Variants in SOCS7 observed in about 807,000 individuals in gnomAD.
SOCS7 encodes NAP-4.
In SOCS7, 18 loss-of-function variants were observed where a neutral mutation model predicts 58.9. The observed-to-expected ratio is 0.31, with a 90% CI of 0.21 to 0.45. The LOEUF (loss-of-function observed/expected upper bound fraction) is 0.45. Among genes scored for constraint, SOCS7 ranks in the 20% least tolerant of loss-of-function variants. The pLI, the probability that SOCS7 is intolerant of heterozygous loss-of-function variation, is 1.00. For synonymous variants in SOCS7, 388 were observed against 364.3 expected (o/e 1.06, Z -0.74); for missense variants, 667 against 837.3 (o/e 0.80, Z 2.51).
In SOCS7 at chr17:38,352,935, G is replaced by C. The variant is rs749377899; in HGVS notation, c.883G>C (p.Asp295His). 14 of 1,607,908 alleles carry C rather than the reference G, an allele frequency of 8.7e-6. No homozygotes were observed. The South Asian group carries it at 1.5e-4, about 17-fold the overall frequency. The change falls in exon 1 of 10, where the codon GAT (aspartate) becomes CAT (histidine). Residue 295 changes from aspartate (D) to histidine (H), a missense_variant. Asp to His is a moderately conservative substitution (Grantham distance 81). Around this residue, in one of 9 missense-constraint regions of SOCS7, gnomAD observed 208 missense variants for 190.3 expected, o/e 1.09. Coordinates refer to ENST00000612932, the MANE Select transcript of SOCS7 (RefSeq NM_014598.4). The surrounding 1 kb of genome is among the most constrained non-coding windows in gnomAD (Gnocchi z 5.5). Reference protein sequence around the residue: ...KSCNGGSGGGDGTGKRPSGEL... With the variant: ...KSCNGGSGGGHGTGKRPSGEL... Reference sequence around the variant, plus strand: ...CTGCAACGGTGGCTCCGGCGGTGGGGATGGGACCGGCAAGAGGCCTTCTGG... The same window carrying C: ...CTGCAACGGTGGCTCCGGCGGTGGGCATGGGACCGGCAAGAGGCCTTCTGG...
chr17:38,357,041 T>G (rs968582029), intron 1 of SOCS7, among the ~76,000 whole-genome samples: 2 of 152,216 alleles, frequency 1.3e-5, no homozygotes, highest in Non-Finnish European at 1.5e-5. Flanking sequence ...GTCTTCATGG[T>G]AGTGAGGTGG....
intron 6 of SOCS7, among the ~76,000 whole-genome samples, chr17:38,370,537 C>T (rs2037849802): frequency 6.6e-6 from 1 of 151,038 alleles, no homozygotes; most frequent in Non-Finnish European, 1.5e-5. Context: ...GACAGGGTCT[C>T]ACTATGTTGC....
rs2144417314 is a variant in SOCS7, at chr17:38,401,463, TG to T, written c.*1982del. On this transcript the variant is annotated 3_prime_UTR_variant, in exon 10 of 10. Transcript: ENST00000612932. Reference sequence around the variant, plus strand: ...TACAGCCTGGGATCTTTCTTTTTTTTGTTCCTTTTCAACCACCCATAATTTT... The same window carrying T: ...TACAGCCTGGGATCTTTCTTTTTTTTTTCCTTTTCAACCACCCATAATTTT... 1 of 152,218 alleles carries T rather than the reference TG, an allele frequency of 6.6e-6. No individual in the cohort carries two copies. Among genetic ancestry groups the T allele is most frequent in the South Asian group, 2.1e-4 (1 of 4,824 alleles). The allele number at this position is 152,218 out of a possible 1,614,324, so 9.4% of individuals were successfully genotyped here.
At chr17:38,365,745 G>A (rs2037780961) in intron 4 of SOCS7, 1 of 231,706 alleles carries the variant, frequency 4.3e-6, no homozygotes, top group East Asian at 9.2e-5. Context: ...ATATGTTGGT[G>A]GTTTTCAGCA....
At chr17:38,393,397 G>A (rs912571753) in intron 7 of SOCS7, among the ~76,000 whole-genome samples, 1 of 152,158 alleles carries the variant, frequency 6.6e-6, no homozygotes, top group Non-Finnish European at 1.5e-5. Flanking sequence ...AGCACTTTGG[G>A]AGGCTGAGGC....
At chr17:38,396,943 T>G (rs1301100619) in intron 9 of SOCS7, among the ~76,000 whole-genome samples, 1 of 152,232 alleles carries the variant, frequency 6.6e-6, no homozygotes. Context: ...CTCTGCATGA[T>G]GGCTTTGCAG....
chr17:38,381,946 CAA>C (rs55949628), intron 7 of SOCS7, among the ~76,000 whole-genome samples: 116 of 17,636 alleles, frequency 6.6e-3, no homozygotes, highest in African/African-American at 0.02. Flanking sequence ...GACTCTGTCT[CAA>C]AAAAAAAAAA....
intron 6 of SOCS7, among the ~76,000 whole-genome samples, chr17:38,368,852 ATGT>A (rs1264052298): frequency 6.6e-6 from 1 of 152,034 alleles, no homozygotes; most frequent in African/African-American, 2.4e-5. Flanking sequence ...CTTTTTGTCA[ATGT>A]TGTAGTCTCT....
chr17:38,360,515 TTA>T (rs1317048108), intron 1 of SOCS7, among the ~76,000 whole-genome samples: 10 of 149,956 alleles, frequency 6.7e-5, no homozygotes, highest in Non-Finnish European at 1.3e-4. Flanking sequence ...TTCTTTTTTT[TTA>T]TTTTTTTATT....
At chr17:38,381,966 AAAAAAAAAC>A (rs1229946919) in intron 7 of SOCS7, among the ~76,000 whole-genome samples, 2 of 149,986 alleles carry the variant, frequency 1.3e-5, no homozygotes, top group African/African-American at 2.5e-5. Context: ...AAAAAAAAAA[AAAAAAAAAC>A]CTAAAAAAAC....
intron 1 of SOCS7, among the ~76,000 whole-genome samples, chr17:38,359,789 AT>A (rs886893557): frequency 5.3e-5 from 8 of 150,408 alleles, no homozygotes; most frequent in Admixed American, 1.3e-4. Flanking sequence ...ATTAAAAAAA[AT>A]TTTTTTTTGA....
At position 38,395,899 on chromosome 17, in the gene SOCS7, G is replaced by A. The variant is rs1225981977; in HGVS notation, c.1869G>A (p.Glu623=). Residue 623 remains glutamate, a synonymous_variant, in exon 9 of 10, where the codon GAG becomes GAA. Coordinates refer to ENST00000612932, the MANE Select transcript of SOCS7 (RefSeq NM_014598.4). ...TCTACTACTATGATCCTCAGGAAGA[G>A]GTATACCTGTCTCTAAAGGAAGCGC... ...RKFYYYDPQE[E]VYLSLKEAQL... 1 of 1,611,882 alleles carries A rather than the reference G, an allele frequency of 6.2e-7. No individual in the cohort carries two copies. Among genetic ancestry groups the A allele is most frequent in the Admixed American group, 1.7e-5 (1 of 59,396 alleles).
chr17:38,396,381 T>C (rs1025438845), intron 9 of SOCS7, among the ~76,000 whole-genome samples: 3 of 152,062 alleles, frequency 2.0e-5, no homozygotes, highest in Admixed American at 2.0e-4. Context: ...ACTGCACAAA[T>C]GGCATATAAA....
intron 6 of SOCS7, among the ~76,000 whole-genome samples, chr17:38,377,069 T>G (rs1439102775): frequency 6.6e-6 from 1 of 152,172 alleles, no homozygotes; most frequent in Admixed American, 6.5e-5. Context: ...ATAAGTACAC[T>G]CTGATGTTCG....
At chr17:38,379,626 G>A (rs949595869) in intron 7 of SOCS7, among the ~76,000 whole-genome samples, 2 of 152,158 alleles carry the variant, frequency 1.3e-5, no homozygotes, top group Admixed American at 6.5e-5. Flanking sequence ...ACTAGGAACA[G>A]GTTGAGCCAG....
At chr17:38,376,815 T>C (rs536425812) in intron 6 of SOCS7, among the ~76,000 whole-genome samples, 1 of 152,356 alleles carries the variant, frequency 6.6e-6, no homozygotes, top group Admixed American at 6.5e-5. Context: ...AGTCATACAC[T>C]GTTTAGCAAC....
Position 38,388,709 on chromosome 17 carries a change from G to A in SOCS7, c.1682-6600G>A, listed in dbSNP as rs144487230. ...CACTAATCTGTTTTCCGTTTCTATG[G>A]ATTTGACTGTTTGGTACATTTCACA... On this transcript the variant is annotated intron_variant, in intron 7 of 9. Coordinates refer to ENST00000612932, the MANE Select transcript of SOCS7 (RefSeq NM_014598.4). Among the ~76,000 whole-genome samples, 900 of 152,176 alleles carry A rather than the reference G, an allele frequency of 5.9e-3. 7 individuals carry two copies. Among genetic ancestry groups the A allele is most frequent in the Admixed American group, 6.5e-3 (99 of 15,284 alleles).
At chr17:38,377,340 C>T (rs143079556) in intron 6 of SOCS7, among the ~76,000 whole-genome samples, 1 of 152,130 alleles carries the variant, frequency 6.6e-6, no homozygotes, top group Non-Finnish European at 1.5e-5. Flanking sequence ...AGGAAATGCT[C>T]ATTGGAGCAC....
At position 38,387,098 on chromosome 17, in the gene SOCS7, A is replaced by AT. The variant is rs1450990405; in HGVS notation, c.1682-8211_1682-8210insT. On this transcript the variant is annotated intron_variant, in intron 7 of 9. Coordinates refer to ENST00000612932, the MANE Select transcript of SOCS7 (RefSeq NM_014598.4). ...CTCTTATCTTAAAAAAAAAAAAAAA[A>AT]AAAAATATATATATATATATATATA... Among the ~76,000 whole-genome samples the AT allele has an allele frequency of 3.6e-3, 322 of 89,206 alleles. 4 individuals are homozygous for AT. Among genetic ancestry groups the AT allele is most frequent in the East Asian group, 0.011 (39 of 3,494 alleles). The allele number at this position is 89,206 out of a possible 152,430, so 58.5% of individuals were successfully genotyped here. A position where few individuals can be genotyped will look rare whatever the true frequency, so the allele number is the denominator to read the frequency against.
Sources: allele counts gnomAD v4.1 joint callset (sites outside exome capture counted in the v4.1 genomes callset), GRCh38; gene constraint gnomAD v4.1.1; regional missense constraint gnomAD v4.1.1; non-coding constraint Gnocchi (gnomAD v3.1); transcripts MANE v1.5; gene names NCBI Gene and HGNC (gene_info 2026-07-23, HGNC 2026-07-21).